The following NKAIN2 variants were observed in gnomAD, a reference collection of about 807,000 sequenced individuals.
NKAIN2 encodes sodium/potassium transporting ATPase interacting 2.
NKAIN2 carries 14 observed loss-of-function variants against 32.6 expected under a neutral mutation model. That is an observed-to-expected ratio of 0.43 (90% CI 0.28 to 0.67). NKAIN2 has a LOEUF of 0.67. Among genes scored for constraint, NKAIN2 ranks in the 30% least tolerant of loss-of-function variants. The pLI, the probability that NKAIN2 is intolerant of heterozygous loss-of-function variation, is 0.17. For synonymous variants in NKAIN2, 80 were observed against 87.2 expected, an observed-to-expected ratio of 0.92 and a Z score of 0.46; for missense variants, 198 against 258.3, an observed-to-expected ratio of 0.77 and a Z score of 1.60.
intron 1 of NKAIN2, among the ~76,000 whole-genome samples, chr6:124,221,880 C>G (rs906917851): frequency 1.3e-5 from 2 of 152,148 alleles, no homozygotes; most frequent in Non-Finnish European, 2.9e-5. Context: ...AGTGTTCGCT[C>G]TAGTTTGCAT....
At chr6:124,208,166 C>A (rs1008387094) in intron 1 of NKAIN2, among the ~76,000 whole-genome samples, 2 of 151,664 alleles carry the variant, frequency 1.3e-5, no homozygotes, top group Admixed American at 6.6e-5. Flanking sequence ...TAGCAGGCTG[C>A]TTTGTGATCT....
intron 4 of NKAIN2, among the ~76,000 whole-genome samples, chr6:124,790,150 C>T (rs990847128): frequency 2.6e-5 from 4 of 152,104 alleles, no homozygotes; most frequent in African/African-American, 9.7e-5. Flanking sequence ...AACGTGCTTT[C>T]TCTCTCAAAT....
chr6:124,214,718 CA>C (rs1484615753), intron 1 of NKAIN2, among the ~76,000 whole-genome samples: 1 of 152,094 alleles, frequency 6.6e-6, no homozygotes, highest in Non-Finnish European at 1.5e-5. Flanking sequence ...AAACAACAAA[CA>C]AACAAACCTT....
chr6:124,210,409 T>C (rs1010180084), intron 1 of NKAIN2, among the ~76,000 whole-genome samples: 1 of 151,964 alleles, frequency 6.6e-6, no homozygotes, highest in African/African-American at 2.4e-5. Context: ...CAGGATGGCT[T>C]TGGCTAGTCT....
At chr6:124,627,232 T>C (rs1783388718) in intron 3 of NKAIN2, among the ~76,000 whole-genome samples, 1 of 152,026 alleles carries the variant, frequency 6.6e-6, no homozygotes, top group Non-Finnish European at 1.5e-5. Context: ...ATCACATCAC[T>C]GCACTCCAGC....
chr6:124,062,993 G>T (rs1234289701), intron 1 of NKAIN2, among the ~76,000 whole-genome samples: 1 of 152,006 alleles, frequency 6.6e-6, no homozygotes, highest in Non-Finnish European at 1.5e-5. Flanking sequence ...AGGAGTTCAA[G>T]ACCAGCCTGG....
intron 2 of NKAIN2, among the ~76,000 whole-genome samples, chr6:124,308,221 T>C (rs1796587440): frequency 2.0e-5 from 3 of 151,810 alleles, no homozygotes; most frequent in Admixed American, 2.0e-4. Flanking sequence ...AACTTCCACT[T>C]ACGAGTGAGA....
intron 1 of NKAIN2, among the ~76,000 whole-genome samples, chr6:124,008,554 C>T (rs9482500): frequency 0.038 from 5,739 of 152,062 alleles, 373 homozygotes; most frequent in African/African-American, 0.13. Flanking sequence ...GAACTAATGC[C>T]ATTGTGAGGC....
At chr6:124,606,221 C>A (rs151062489) in intron 3 of NKAIN2, among the ~76,000 whole-genome samples, 43 of 151,718 alleles carry the variant, frequency 2.8e-4, no homozygotes, top group African/African-American at 1.0e-3. Context: ...TTGGAAATAT[C>A]TTGATCTCAG....
At chr6:124,637,185 G>T (rs537804215) in intron 3 of NKAIN2, among the ~76,000 whole-genome samples, 3 of 152,016 alleles carry the variant, frequency 2.0e-5, no homozygotes, top group Non-Finnish European at 2.9e-5. Flanking sequence ...ATCATATTCA[G>T]CATAGCTTAA....
chr6:123,833,758 C>A (rs1414499364), intron 1 of NKAIN2, among the ~76,000 whole-genome samples: 1 of 137,438 alleles, frequency 7.3e-6, no homozygotes, highest in South Asian at 2.3e-4. Flanking sequence ...TTTTGAGTCT[C>A]GCTTTGTTGC....
At chr6:123,976,292 TGTTTCCATATATATGTTTCC>T (rs1778579125) in intron 1 of NKAIN2, among the ~76,000 whole-genome samples, 4 of 111,696 alleles carry the variant, frequency 3.6e-5, no homozygotes, top group African/African-American at 1.0e-4. Flanking sequence ...TCCATATATA[TGTTTCCATATATATGTTTCC>T]ATATATATAT....
chr6:124,738,352 T>C (rs1777050241), intron 4 of NKAIN2, among the ~76,000 whole-genome samples: 1 of 151,856 alleles, frequency 6.6e-6, no homozygotes, highest in Non-Finnish European at 1.5e-5. Context: ...AAAATAACTT[T>C]TAAAATAATA....
intron 3 of NKAIN2, among the ~76,000 whole-genome samples, chr6:124,569,164 C>T (rs1419742938): frequency 6.6e-6 from 1 of 152,162 alleles, no homozygotes; most frequent in Non-Finnish European, 1.5e-5. Flanking sequence ...AAGTAATTCA[C>T]ACTAACAAGT....
intron 1 of NKAIN2, among the ~76,000 whole-genome samples, chr6:124,105,555 T>C (rs764069824): frequency 3.3e-5 from 5 of 152,162 alleles, no homozygotes; most frequent in Admixed American, 6.5e-5. Context: ...TGTAAGAGAC[T>C]TCCATCTCTG....
intron 1 of NKAIN2, among the ~76,000 whole-genome samples, chr6:124,062,553 T>C (rs1417941200): frequency 6.6e-6 from 1 of 152,076 alleles, no homozygotes. Context: ...CTTAGCTTCC[T>C]GGGTAGCTGG....
In NKAIN2 at chr6:124,572,869, C is replaced by G. The variant is rs528562308; in HGVS notation, c.274-85317C>G. ...TATTTATTTATTTTTGAGATGGAGT[C>G]TTGCTCTGTTGCCCAAGCTGGAGTG... On this transcript the variant is annotated intron_variant, in intron 3 of 6. Coordinates refer to ENST00000368417, the MANE Select transcript of NKAIN2 (RefSeq NM_001040214.3). Among the ~76,000 whole-genome samples the G allele has an allele frequency of 2.0e-5, 3 of 152,098 alleles. No homozygotes were observed. In the East Asian group the frequency reaches 5.8e-4, roughly 29 times the overall value.
chr6:124,083,710 G>A (rs935743666), intron 1 of NKAIN2, among the ~76,000 whole-genome samples: 1 of 151,894 alleles, frequency 6.6e-6, no homozygotes, highest in African/African-American at 2.4e-5. Context: ...ATTGGTCTTG[G>A]TCTGTACAGT....
chr6:124,570,522 G>A (rs1298335289), intron 3 of NKAIN2, among the ~76,000 whole-genome samples: 1 of 152,176 alleles, frequency 6.6e-6, no homozygotes, highest in African/African-American at 2.4e-5. Context: ...AGGGGCCAAT[G>A]TACAGCTCAG....
Sources: gnomAD v4.1 joint callset for allele counts (sites outside exome capture counted in the v4.1 genomes callset) on GRCh38, gnomAD v4.1.1 for gene constraint, MANE v1.5 for transcripts, NCBI Gene and HGNC (gene_info 2026-07-23, HGNC 2026-07-21) for gene names.